Variants in RAB27A observed in about 807,000 individuals in gnomAD.
RAB27A encodes the protein RAB27A, member RAS oncogene family, also known as ras-related protein Rab-27A.
A neutral mutation model predicts 20.8 loss-of-function variants in RAB27A; 17 were observed. The ratio of observed to expected loss-of-function variants is 0.82; its 90% CI spans 0.56 to 1.23. RAB27A has a LOEUF of 1.23. Ranked by LOEUF, RAB27A falls within the 50% of genes most tolerant of loss-of-function variation. RAB27A has a pLI of 0.00. For synonymous variants in RAB27A, 85 were observed against 92.8 expected, an observed-to-expected ratio of 0.92 and a Z score of 0.48; for missense variants, 277 against 266.7, an observed-to-expected ratio of 1.04 and a Z score of -0.27.
intron 6 of RAB27A, among the ~76,000 whole-genome samples, chr15:55,214,627 G>A (rs1291878031): frequency 6.6e-6 from 1 of 152,126 alleles, no homozygotes; most frequent in East Asian, 1.9e-4. Flanking sequence ...AAATGACATG[G>A]TCTTCGCAGT....
intron 6 of RAB27A, among the ~76,000 whole-genome samples, chr15:55,215,297 A>G (rs1021142990): frequency 6.6e-6 from 1 of 152,208 alleles, no homozygotes. Context: ...AACATAGTGA[A>G]AGTACTTTGA....
chr15:55,261,042 G>A (rs1897250734), intron 2 of RAB27A, among the ~76,000 whole-genome samples: 1 of 151,688 alleles, frequency 6.6e-6, no homozygotes, highest in South Asian at 2.1e-4. Context: ...GGGAGGGAAG[G>A]GAATATATGG....
intron 1 of RAB27A, among the ~76,000 whole-genome samples, chr15:55,272,272 G>A (rs1004656250): frequency 6.6e-6 from 1 of 152,132 alleles, no homozygotes; most frequent in Non-Finnish European, 1.5e-5. Context: ...GGTGGCGGGC[G>A]CCTGTAGTCC....
chr15:55,205,411 C>T lies in RAB27A; in HGVS notation c.*96G>A. On this transcript the variant is annotated 3_prime_UTR_variant, in exon 7 of 7. Transcript: ENST00000336787. ...TGGGGATGGTGAGAAGCAATTTGTA[C>T]ACAATGCCCATTAATCTCTCACTGT... The T allele has an allele frequency of 7.7e-7, 1 of 1,296,980 alleles. No homozygotes were observed. The highest frequency in any genetic ancestry group is 2.3e-5 in the East Asian group (1 of 43,430). 80.3% of individuals were successfully genotyped at this position (1,296,980 alleles called of 1,614,324 possible). A position where few individuals can be genotyped will look rare whatever the true frequency, so the allele number is the denominator to read the frequency against.
chr15:55,282,170 T>C (rs1898033379), intron 1 of RAB27A, among the ~76,000 whole-genome samples: 1 of 152,252 alleles, frequency 6.6e-6, no homozygotes, highest in Admixed American at 6.5e-5. Flanking sequence ...AAGTTCCATC[T>C]AGATGTCACT....
chr15:55,253,819 A>T (rs1447072703), intron 2 of RAB27A, among the ~76,000 whole-genome samples: 1 of 152,182 alleles, frequency 6.6e-6, no homozygotes, highest in African/African-American at 2.4e-5. Context: ...TAGCAAAGAG[A>T]CTATGAATCA....
At chr15:55,222,455 C>G (rs920268863) in intron 6 of RAB27A, among the ~76,000 whole-genome samples, 1 of 152,196 alleles carries the variant, frequency 6.6e-6, no homozygotes, top group East Asian at 1.9e-4. Context: ...TTCCTCCCTC[C>G]CCACCTATAG....
chr15:55,268,618 C>T (rs929566512), intron 2 of RAB27A, among the ~76,000 whole-genome samples: 5 of 152,124 alleles, frequency 3.3e-5, no homozygotes, highest in Admixed American at 2.6e-4. Context: ...TACACACTCA[C>T]AAAGCTAGAT....
intron 2 of RAB27A, among the ~76,000 whole-genome samples, chr15:55,296,645 G>T (rs900254449): frequency 6.6e-6 from 1 of 152,154 alleles, no homozygotes; most frequent in Non-Finnish European, 1.5e-5. Context: ...CTCAGTTAAA[G>T]ACTTATTTAT....
intron 1 of RAB27A, among the ~76,000 whole-genome samples, chr15:55,280,196 G>C (rs1221096725): frequency 6.6e-6 from 1 of 152,164 alleles, no homozygotes; most frequent in Admixed American, 6.5e-5. Context: ...TGCTGCCTCT[G>C]TCCCTGAGAA....
At chr15:55,287,739 C>T (rs555126192) in intron 1 of RAB27A, among the ~76,000 whole-genome samples, 1 of 150,998 alleles carries the variant, frequency 6.6e-6, no homozygotes, top group Admixed American at 6.6e-5. Flanking sequence ...AAGAGCAAAA[C>T]TCCATCTCGA....
intron 2 of RAB27A, among the ~76,000 whole-genome samples, chr15:55,254,615 A>T (rs963296123): frequency 2.2e-4 from 34 of 152,348 alleles, no homozygotes; most frequent in African/African-American, 8.2e-4. Context: ...GACAGGAAGG[A>T]ACAGATATTA....
At chr15:55,214,153 G>C (rs1184645118) in intron 6 of RAB27A, among the ~76,000 whole-genome samples, 3 of 152,160 alleles carry the variant, frequency 2.0e-5, no homozygotes, top group Non-Finnish European at 2.9e-5. Flanking sequence ...AAAACTGGTT[G>C]AGGCCGGGCG....
At chr15:55,295,795 G>A (rs1260532509) in intron 2 of RAB27A, among the ~76,000 whole-genome samples, 1 of 151,926 alleles carries the variant, frequency 6.6e-6, no homozygotes, top group African/African-American at 2.4e-5. Flanking sequence ...GCACAACATT[G>A]TGAATGTACA....
chr15:55,276,807 T>C (rs1270793060), intron 1 of RAB27A, among the ~76,000 whole-genome samples: 4 of 152,182 alleles, frequency 2.6e-5, no homozygotes, highest in Non-Finnish European at 4.4e-5. Flanking sequence ...CCAGTGTTAA[T>C]TGTTCTTACC....
At chr15:55,212,069 G>A (rs1014057924) in intron 6 of RAB27A, among the ~76,000 whole-genome samples, 1 of 148,708 alleles carries the variant, frequency 6.7e-6, no homozygotes, top group Non-Finnish European at 1.5e-5. Context: ...TGATATATAT[G>A]AGTCATTTAA....
chr15:55,218,339 G>C (rs961482452), intron 6 of RAB27A, among the ~76,000 whole-genome samples: 2 of 152,222 alleles, frequency 1.3e-5, no homozygotes, highest in Non-Finnish European at 2.9e-5. Flanking sequence ...GGAGCTCTGT[G>C]AATCAGTCTT....
intron 2 of RAB27A, among the ~76,000 whole-genome samples, chr15:55,308,123 A>G (rs1254391171): frequency 6.6e-6 from 1 of 152,044 alleles, no homozygotes; most frequent in Non-Finnish European, 1.5e-5. Flanking sequence ...AGCATTTCTA[A>G]TGGAGGGTCC....
In RAB27A at chr15:55,203,978, A is replaced by G. The variant is rs963930273; in HGVS notation, c.*1529T>C. 1 of 152,182 alleles carries G rather than the reference A, an allele frequency of 6.6e-6. No homozygotes were observed. The highest frequency in any genetic ancestry group is 1.5e-5 in the Non-Finnish European group (1 of 68,026). The allele number at this position is 152,182 out of a possible 1,614,324, so 9.4% of individuals were successfully genotyped here. ...GGGGGTACAAGTACAGTTTAGATACATGAATATATTGTGTAGTCGTAAAGT... is the reference window on the plus strand; with the variant it reads ...GGGGGTACAAGTACAGTTTAGATACGTGAATATATTGTGTAGTCGTAAAGT... On this transcript the variant is annotated 3_prime_UTR_variant, in exon 7 of 7. Transcript: ENST00000336787.
Sources: allele counts gnomAD v4.1 joint callset (sites outside exome capture counted in the v4.1 genomes callset), GRCh38; gene constraint gnomAD v4.1.1; transcripts MANE v1.5; gene names NCBI Gene and HGNC (gene_info 2026-07-23, HGNC 2026-07-21).